The following SLC22A23 variants were observed in gnomAD, a reference collection of about 807,000 sequenced individuals.
The protein encoded by SLC22A23 is solute carrier family 22 member 23.
In SLC22A23, 26 loss-of-function variants were observed where a neutral mutation model predicts 61.0. The observed-to-expected ratio is 0.43, with a 90% confidence interval of 0.31 to 0.59. SLC22A23 has a LOEUF of 0.59. Among genes scored for constraint, SLC22A23 ranks in the 20% least tolerant of loss-of-function variants. The pLI is 0.11. For synonymous variants in SLC22A23, 430 were observed against 413.9 expected (o/e 1.04, Z -0.47); for missense variants, 796 against 934.7 (o/e 0.85, Z 1.94).
At chr6:3,397,565 T>A (rs1181924248) in intron 3 of SLC22A23, among the ~76,000 whole-genome samples, 1 of 151,120 alleles carries the variant, frequency 6.6e-6, no homozygotes, top group Non-Finnish European at 1.5e-5. Flanking sequence ...GAAATTTACA[T>A]ATCTTTCTAT....
At position 3,318,569 on chromosome 6, in the gene SLC22A23, C is replaced by T. The variant is rs1038248368; in HGVS notation, c.1082+5265G>A. Among the ~76,000 whole-genome samples, 1 of 152,194 alleles carries T rather than the reference C, an allele frequency of 6.6e-6. No individual in the cohort carries two copies. The highest frequency in any genetic ancestry group is 2.4e-5 in the African/African-American group (1 of 41,440). On this transcript the variant is annotated intron_variant, in intron 4 of 9. Transcript: ENST00000406686. This position sits in a 1 kb window ranked among gnomAD's most constrained non-coding sequence, Gnocchi z 4.3. ...GCCTCCCTGTGTGCCTCCTGGCCCA[C>T]CCCAGTGCTTCCCAGGAGGCCCTGT...
intron 3 of SLC22A23, among the ~76,000 whole-genome samples, chr6:3,381,053 C>T (rs1389416337): frequency 3.9e-5 from 6 of 152,192 alleles, no homozygotes; most frequent in Admixed American, 1.3e-4. Context: ...AGAGATGCCT[C>T]GTATGTGAAG....
intron 3 of SLC22A23, among the ~76,000 whole-genome samples, chr6:3,365,395 T>TG (rs1253257929): frequency 6.6e-6 from 1 of 152,128 alleles, no homozygotes; most frequent in Non-Finnish European, 1.5e-5. Flanking sequence ...TTGTTTAATT[T>TG]GGGGAAACAC....
Position 3,342,977 on chromosome 6 carries a change from G to T in SLC22A23, c.914-18975C>A, listed in dbSNP as rs1282500653. 6.6e-6 allele frequency among the ~76,000 whole-genome samples: 1 copy of T among 152,160 alleles called. No homozygotes were observed. Among genetic ancestry groups the T allele is most frequent in the Non-Finnish European group, 1.5e-5 (1 of 68,032 alleles). ...AGTGGGAAATGACAGAGAAATACAC[G>T]GGGGAAATAATATAAGAGAAGGTTT... On this transcript the variant is annotated intron_variant, in intron 3 of 9. Transcript: ENST00000406686. The surrounding 1 kb of genome is among the most constrained non-coding windows in gnomAD (Gnocchi z 4.0).
intron 3 of SLC22A23, among the ~76,000 whole-genome samples, chr6:3,389,198 G>A (rs1208504175): frequency 2.0e-5 from 3 of 148,278 alleles, no homozygotes; most frequent in Admixed American, 6.7e-5. Flanking sequence ...AACCCGGGAG[G>A]TGGAGGTTGC....
At chr6:3,298,301 C>A in intron 4 of SLC22A23, 83 bp from the exon 5 acceptor site, 2 of 1,484,696 alleles carry the variant, frequency 1.3e-6, no homozygotes, top group East Asian at 5.3e-5. Context: ...GGCCCGGGAG[C>A]TTCCCAGGCA....
chr6:3,456,197 C>A lies in SLC22A23; in HGVS notation c.363G>T (p.Leu121=). 6.4e-7 allele frequency: 1 copy of A among 1,551,328 alleles called. No homozygotes were observed. The highest frequency in any genetic ancestry group is 8.7e-7 in the Non-Finnish European group (1 of 1,146,854). The change falls in exon 1 of 10, where the codon CTG becomes CTT. Residue 121 remains leucine (L), a synonymous_variant. Transcript: ENST00000406686. This position sits in a 1 kb window ranked among gnomAD's most constrained non-coding sequence, Gnocchi z 7.1. ...GFSQFSDSFL[L]DQPNFWCRGA... is the part of the protein sequence containing the mutation. The stretch of plus-strand genomic sequence containing the variant: ...CGCGGCACCAGAAGTTGGGCTGGTC[C>A]AGGAGGAACGAGTCCGAGAACTGGC...
intron 3 of SLC22A23, among the ~76,000 whole-genome samples, chr6:3,403,419 T>C (rs1768571539): frequency 1.3e-5 from 2 of 150,782 alleles, no homozygotes; most frequent in South Asian, 2.1e-4. Context: ...GAGAGGCGAA[T>C]GGAGCAAGCA....
At chr6:3,285,256 G>A (rs554564184) in intron 7 of SLC22A23, 145 bp from the exon 8 acceptor site, 24 of 1,125,848 alleles carry the variant, frequency 2.1e-5, no homozygotes, top group East Asian at 1.5e-4. Context: ...CTGGGATGGC[G>A]CTGGCCGCCG....
At chr6:3,284,722 C>G (rs1475859164) in intron 8 of SLC22A23, among the ~76,000 whole-genome samples, 1 of 152,238 alleles carries the variant, frequency 6.6e-6, no homozygotes, top group African/African-American at 2.4e-5. Context: ...GCAGCACAGA[C>G]AGCCGGGCCC....
chr6:3,417,559 G>C (rs1010250250), intron 1 of SLC22A23, among the ~76,000 whole-genome samples: 1 of 152,182 alleles, frequency 6.6e-6, no homozygotes, highest in African/African-American at 2.4e-5. Context: ...AACTGCTCCA[G>C]GGACCAGCAG....
rs189089252 is a variant in SLC22A23 at position 3,291,669 on chromosome 6, A to G, written c.1211-1803T>C. On this transcript the variant is annotated intron_variant, in intron 5 of 9. Transcript: ENST00000406686. ...CAGGCACAGTTTCTCCATGGTTAAA[A>G]TAACTAATTTTATAAAGAGCTTGAA... 1.5e-3 allele frequency: 231 copies of G among 152,362 alleles called. 3 individuals carry two copies. The highest frequency in any genetic ancestry group is 5.2e-3 in the African/African-American group (215 of 41,580). The allele number at this position is 152,362 out of a possible 1,614,324, so 9.4% of individuals were successfully genotyped here.
chr6:3,379,686 A>G (rs970847744), intron 3 of SLC22A23, among the ~76,000 whole-genome samples: 3 of 152,078 alleles, frequency 2.0e-5, no homozygotes, highest in Non-Finnish European at 4.4e-5. Context: ...CCCTCGCTTC[A>G]TATCACCTTG....
chr6:3,298,318 G>A (rs550197712), intron 4 of SLC22A23, 100 bp from the exon 5 acceptor site: 25 of 1,411,656 alleles, frequency 1.8e-5, no homozygotes, highest in Middle Eastern at 2.1e-4. Context: ...GGCAGGTGGC[G>A]GTCAGTCTCC....
At chr6:3,326,333 G>C (rs537619265) in intron 3 of SLC22A23, among the ~76,000 whole-genome samples, 1 of 152,186 alleles carries the variant, frequency 6.6e-6, no homozygotes, top group Non-Finnish European at 1.5e-5. Flanking sequence ...GAAGTGTAGC[G>C]TGTGAACCTG....
chr6:3,351,031 G>A (rs1423976299), intron 3 of SLC22A23, among the ~76,000 whole-genome samples: 5 of 152,016 alleles, frequency 3.3e-5, no homozygotes, highest in African/African-American at 1.2e-4. Context: ...TGGTGAGCCT[G>A]CATTTCCTCC....
intron 1 of SLC22A23, among the ~76,000 whole-genome samples, chr6:3,446,941 A>G (rs1386357237): frequency 6.6e-6 from 1 of 152,074 alleles, no homozygotes; most frequent in Non-Finnish European, 1.5e-5. Context: ...GGGAGTTATC[A>G]GCATCTTCTA....
intron 3 of SLC22A23, among the ~76,000 whole-genome samples, chr6:3,405,473 T>A (rs904391208): frequency 6.6e-6 from 1 of 152,050 alleles, no homozygotes; most frequent in African/African-American, 2.4e-5. Context: ...TGCGAAACTT[T>A]CCCTTCACCC....
intron 9 of SLC22A23, among the ~76,000 whole-genome samples, chr6:3,274,848 GGAGT>G (rs796106274): frequency 1.1e-4 from 16 of 151,434 alleles, no homozygotes; most frequent in African/African-American, 3.6e-4. Context: ...AAAAATAAAT[GGAGT>G]GACATTCCAT....
Sources: allele counts gnomAD v4.1 joint callset (sites outside exome capture counted in the v4.1 genomes callset), GRCh38; gene constraint gnomAD v4.1.1; non-coding constraint Gnocchi (gnomAD v3.1); transcripts MANE v1.5; gene names NCBI Gene and HGNC (gene_info 2026-07-23, HGNC 2026-07-21).